The following KDM4C variants were observed in gnomAD, a reference collection of about 807,000 sequenced individuals.
KDM4C encodes lysine demethylase 4C.
KDM4C carries 81 observed loss-of-function variants against 129.3 expected under a neutral mutation model. The observed-to-expected ratio is 0.63, with a 90% CI of 0.52 to 0.75. The LOEUF is 0.75. Ranked by LOEUF, KDM4C falls within the 30% of genes least tolerant of loss-of-function variation. KDM4C has a pLI of 0.00. For missense variants in KDM4C, 1,457 were observed against 1,304.0 expected (o/e 1.12, Z -1.81); for synonymous variants, 573 against 456.1 (o/e 1.26, Z -3.26).
intron 8 of KDM4C, among the ~76,000 whole-genome samples, chr9:6,957,550 G>A (rs960617794): frequency 6.6e-6 from 1 of 151,950 alleles, no homozygotes; most frequent in Non-Finnish European, 1.5e-5. Flanking sequence ...TAGTGGCAGC[G>A]ACATTGTCGG....
At chr9:7,026,712 T>C (rs1348559099) in intron 15 of KDM4C, among the ~76,000 whole-genome samples, 2 of 152,136 alleles carry the variant, frequency 1.3e-5, no homozygotes, top group South Asian at 2.1e-4. Flanking sequence ...GCGTTAAGGC[T>C]AGTGACTCTC....
intron 8 of KDM4C, among the ~76,000 whole-genome samples, chr9:6,975,178 G>T (rs957688216): frequency 6.6e-6 from 1 of 152,206 alleles, no homozygotes; most frequent in Non-Finnish European, 1.5e-5. Context: ...AAATATTCCA[G>T]AGAAATTAAT....
intron 17 of KDM4C, among the ~76,000 whole-genome samples, chr9:7,056,467 T>C (rs983795310): frequency 6.6e-6 from 1 of 152,160 alleles, no homozygotes; most frequent in Admixed American, 6.5e-5. Flanking sequence ...TACCAAACCA[T>C]AAAATCTTTT....
chr9:6,914,212 A>T lies in KDM4C; in HGVS notation c.921+20980A>T, dbSNP rs151135335. Among the ~76,000 whole-genome samples the T allele has an allele frequency of 2.6e-3, 389 of 152,142 alleles. 4 individuals are homozygous for T. Among genetic ancestry groups the T allele is most frequent in the African/African-American group, 8.6e-3 (358 of 41,488 alleles). On this transcript the variant is annotated intron_variant, in intron 8 of 21. Coordinates refer to ENST00000381309, the MANE Select transcript of KDM4C (RefSeq NM_015061.6). ...GTAGCTGGGATTACAGCCATGCGCCACCATGTTCAGTTAATATTGTATTTT... is the reference window on the plus strand; with the variant it reads ...GTAGCTGGGATTACAGCCATGCGCCTCCATGTTCAGTTAATATTGTATTTT...
chr9:6,833,606 G>C (rs1468162466), intron 4 of KDM4C, among the ~76,000 whole-genome samples: 1 of 152,188 alleles, frequency 6.6e-6, no homozygotes, highest in African/African-American at 2.4e-5. Context: ...TTATAAAACA[G>C]TGTTGATAAT....
chr9:7,159,799 A>G (rs1195552592), intron 19 of KDM4C, among the ~76,000 whole-genome samples: 2 of 152,022 alleles, frequency 1.3e-5, no homozygotes, highest in African/African-American at 4.8e-5. Context: ...GAATCTGCCA[A>G]TTATGTGTCT....
intron 8 of KDM4C, among the ~76,000 whole-genome samples, chr9:6,964,552 C>T (rs1830568823): frequency 6.6e-6 from 1 of 152,042 alleles, no homozygotes; most frequent in South Asian, 2.1e-4. Flanking sequence ...AGTAAACATA[C>T]ATGTGCATGT....
chr9:6,797,304 C>G (rs1827930686), intron 2 of KDM4C, among the ~76,000 whole-genome samples: 2 of 152,066 alleles, frequency 1.3e-5, no homozygotes, highest in African/African-American at 2.4e-5. Flanking sequence ...CCACTATTGA[C>G]AAGATTTAAT....
chr9:6,984,846 A>G (rs1817411551), intron 10 of KDM4C, among the ~76,000 whole-genome samples: 1 of 152,186 alleles, frequency 6.6e-6, no homozygotes, highest in Admixed American at 6.5e-5. Context: ...AACCTAGTGA[A>G]ATGACATGTA....
chr9:6,815,872 T>A (rs10758805), intron 4 of KDM4C, among the ~76,000 whole-genome samples: 37,004 of 152,164 alleles, frequency 0.24, 4,594 homozygotes, highest in Middle Eastern at 0.28. Flanking sequence ...AATGTTTCTT[T>A]GTGTCTCTTT....
chr9:7,134,739 C>G (rs891378725), intron 19 of KDM4C, among the ~76,000 whole-genome samples: 1 of 152,146 alleles, frequency 6.6e-6, no homozygotes, highest in African/African-American at 2.4e-5. Context: ...ACCATATTGG[C>G]TAGGAGTCTA....
chr9:6,985,502 C>A (rs546514204), intron 10 of KDM4C, among the ~76,000 whole-genome samples: 1 of 152,090 alleles, frequency 6.6e-6, no homozygotes, highest in Non-Finnish European at 1.5e-5. Flanking sequence ...GCTGGTTTAC[C>A]AAGGAAGGAC....
intron 1 of KDM4C, among the ~76,000 whole-genome samples, chr9:6,752,287 C>T (rs1410783805): frequency 1.6e-5 from 2 of 121,262 alleles, no homozygotes; most frequent in Admixed American, 9.9e-5. Flanking sequence ...GAGTCGAGAT[C>T]GCGCCACTGC....
chr9:6,788,429 A>G (rs1049812084), intron 1 of KDM4C, among the ~76,000 whole-genome samples: 2 of 152,176 alleles, frequency 1.3e-5, no homozygotes, highest in African/African-American at 4.8e-5. Flanking sequence ...TGTTTCTACA[A>G]AGGTGATCTG....
intron 17 of KDM4C, among the ~76,000 whole-genome samples, chr9:7,068,620 C>G (rs1341172634): frequency 2.0e-5 from 3 of 150,670 alleles, no homozygotes; most frequent in African/African-American, 4.9e-5. Context: ...CTTTGGCTAC[C>G]TGGTTTTGGT....
chr9:7,046,349 G>T (rs932576492), intron 15 of KDM4C, among the ~76,000 whole-genome samples: 1 of 151,956 alleles, frequency 6.6e-6, no homozygotes. Context: ...CAGAAAGAGT[G>T]AGGCGCAAGT....
chr9:6,918,804 G>A (rs1023656100), intron 8 of KDM4C, among the ~76,000 whole-genome samples: 1 of 151,748 alleles, frequency 6.6e-6, no homozygotes, highest in East Asian at 1.9e-4. Flanking sequence ...ATCTTTGTTG[G>A]CCGCTTGTAT....
chr9:7,035,054 C>T (rs562537919), intron 15 of KDM4C, among the ~76,000 whole-genome samples: 7 of 151,744 alleles, frequency 4.6e-5, no homozygotes, highest in Non-Finnish European at 1.0e-4. Context: ...CTTCCATTGC[C>T]CAGGCTGGAG....
At chr9:6,781,147 C>T (rs183293715) in intron 1 of KDM4C, among the ~76,000 whole-genome samples, 6 of 152,092 alleles carry the variant, frequency 3.9e-5, no homozygotes, top group Admixed American at 6.6e-5. Context: ...CTGAATTTAC[C>T]CCTGTAGGCT....
Sources: allele counts gnomAD v4.1 joint callset (sites outside exome capture counted in the v4.1 genomes callset), GRCh38; gene constraint gnomAD v4.1.1; transcripts MANE v1.5; gene names NCBI Gene and HGNC (gene_info 2026-07-23, HGNC 2026-07-21).